The following GRM7 variants were observed in gnomAD, a reference collection of about 807,000 sequenced individuals.
GRM7 encodes the protein metabotropic glutamate receptor 7.
In GRM7, 35 loss-of-function variants were observed where a neutral mutation model predicts 84.5. The observed-to-expected ratio is 0.41, with a 90% CI of 0.32 to 0.55. The LOEUF (loss-of-function observed/expected upper bound fraction) is 0.55. GRM7 is among the 20% of genes least tolerant of loss of function. GRM7 has a pLI of 0.19. For missense variants in GRM7, 1,003 were observed against 1,194.6 expected, an observed-to-expected ratio of 0.84 and a Z score of 2.36; for synonymous variants, 487 against 455.1, an observed-to-expected ratio of 1.07 and a Z score of -0.89.
At chr3:7,675,489 A>G (rs897753494) in intron 8 of GRM7, among the ~76,000 whole-genome samples, 4 of 152,222 alleles carry the variant, frequency 2.6e-5, no homozygotes, top group African/African-American at 7.2e-5. Flanking sequence ...ACTAAATGTT[A>G]TATGATCTTA....
chr3:6,876,232 C>T (rs62237234), intron 1 of GRM7, among the ~76,000 whole-genome samples: 10,085 of 151,812 alleles, frequency 0.066, 472 homozygotes, highest in East Asian at 0.19. Context: ...CGCACCACTG[C>T]ACTCCAATCT....
At chr3:7,083,254 G>A (rs1237451715) in intron 1 of GRM7, among the ~76,000 whole-genome samples, 1 of 152,092 alleles carries the variant, frequency 6.6e-6, no homozygotes, top group Non-Finnish European at 1.5e-5. Context: ...ACAACATCGA[G>A]GCAAGATCCT....
At chr3:6,973,725 G>A (rs1304715764) in intron 1 of GRM7, among the ~76,000 whole-genome samples, 1 of 152,170 alleles carries the variant, frequency 6.6e-6, no homozygotes, top group Non-Finnish European at 1.5e-5. Context: ...GTATGAATGT[G>A]CCTAGAATAT....
chr3:7,087,317 G>A (rs1271877242), intron 1 of GRM7, among the ~76,000 whole-genome samples: 2 of 151,742 alleles, frequency 1.3e-5, no homozygotes, highest in African/African-American at 4.8e-5. Context: ...GTTTTTGGAT[G>A]CAACTAATGA....
At chr3:7,158,133 C>T (rs1694512945) in intron 2 of GRM7, among the ~76,000 whole-genome samples, 1 of 152,078 alleles carries the variant, frequency 6.6e-6, no homozygotes, top group Non-Finnish European at 1.5e-5. Context: ...CACACATCTT[C>T]ATTTTTTCTG....
intron 5 of GRM7, among the ~76,000 whole-genome samples, chr3:7,446,487 G>T (rs867253091): frequency 7.2e-6 from 1 of 138,374 alleles, no homozygotes; most frequent in Admixed American, 7.5e-5. Flanking sequence ...TTGAGACGGA[G>T]TCTCATTCTG....
chr3:7,552,174 T>G (rs1361339906), intron 7 of GRM7, among the ~76,000 whole-genome samples: 1 of 152,348 alleles, frequency 6.6e-6, no homozygotes, highest in Middle Eastern at 3.4e-3. Context: ...CAGTCAAATC[T>G]TAAAGCTCCA....
At chr3:7,044,621 A>G (rs1223591253) in intron 1 of GRM7, among the ~76,000 whole-genome samples, 1 of 152,294 alleles carries the variant, frequency 6.6e-6, no homozygotes, top group Non-Finnish European at 1.5e-5. Flanking sequence ...CATATTTTCA[A>G]TTTAAAAGAC....
intron 4 of GRM7, among the ~76,000 whole-genome samples, chr3:7,343,840 C>T (rs1375563739): frequency 6.6e-6 from 1 of 152,086 alleles, no homozygotes; most frequent in African/African-American, 2.4e-5. Context: ...CATGTGTCTA[C>T]AGTCATGCAG....
chr3:7,647,623 A>G (rs895213640), intron 8 of GRM7, among the ~76,000 whole-genome samples: 1 of 152,192 alleles, frequency 6.6e-6, no homozygotes, highest in Admixed American at 6.5e-5. Context: ...ACTCTGAATT[A>G]TAGAGGGGAC....
At chr3:6,877,241 C>T (rs146251533) in intron 1 of GRM7, among the ~76,000 whole-genome samples, 362 of 152,208 alleles carry the variant, frequency 2.4e-3, no homozygotes, top group Non-Finnish European at 3.5e-3. Flanking sequence ...GCCTGCTATA[C>T]GGAGGGGTTT....
chr3:6,914,168 A>G (rs1424728775), intron 1 of GRM7, among the ~76,000 whole-genome samples: 3 of 152,156 alleles, frequency 2.0e-5, no homozygotes, highest in Non-Finnish European at 4.4e-5. Flanking sequence ...AGAAAATGCT[A>G]TTCTTTCCAG....
intron 5 of GRM7, among the ~76,000 whole-genome samples, chr3:7,444,287 T>C (rs1228681900): frequency 2.0e-5 from 3 of 152,168 alleles, no homozygotes; most frequent in Non-Finnish European, 4.4e-5. Context: ...GAGACATTTC[T>C]TTAAGTCTGT....
At position 7,703,986 on chromosome 3, in the gene GRM7, C is replaced by T. The variant is rs750830752; in HGVS notation, c.2698+23691C>T. Among the ~76,000 whole-genome samples, 79 of 152,326 alleles carry T rather than the reference C, an allele frequency of 5.2e-4. No homozygotes were observed. The Middle Eastern group carries it at 0.01, about 20-fold the overall frequency. On this transcript the variant is annotated intron_variant, in intron 9 of 9. Transcript: ENST00000357716. ...GCAGCCAATTTCTAAACCCATCCAT[C>T]ATTTCTGCTGGGTTCCATTGACCAG...
At chr3:7,084,158 C>G (rs1698364546) in intron 1 of GRM7, among the ~76,000 whole-genome samples, 1 of 152,070 alleles carries the variant, frequency 6.6e-6, no homozygotes, top group Non-Finnish European at 1.5e-5. Context: ...CTCTGGAAAA[C>G]AGACTCCAAG....
chr3:7,191,634 G>A (rs941741631), intron 2 of GRM7, among the ~76,000 whole-genome samples: 72 of 150,812 alleles, frequency 4.8e-4, no homozygotes, highest in Admixed American at 4.3e-3. Flanking sequence ...AATGAAACAA[G>A]CCAGTCTCAA....
In GRM7 at chr3:7,736,236, A is replaced by T. The variant is rs115560393; in HGVS notation, c.2699-4121A>T. On this transcript the variant is annotated intron_variant, in intron 9 of 9. Transcript: ENST00000357716. ...GATTGTTTCTTATTTATTCCTTTGC[A>T]TAAGTTAAAAAAATTTAGATATCAA... 2.8e-3 allele frequency among the ~76,000 whole-genome samples: 425 copies of T among 152,198 alleles called. 1 individual carries two copies. Among genetic ancestry groups the T allele is most frequent in the Non-Finnish European group, 5.0e-3 (340 of 67,966 alleles).
At chr3:7,160,065 G>A (rs984286480) in intron 2 of GRM7, among the ~76,000 whole-genome samples, 3 of 152,110 alleles carry the variant, frequency 2.0e-5, no homozygotes, top group Non-Finnish European at 4.4e-5. Flanking sequence ...AAGCATTAAA[G>A]GCACACAAAC....
At chr3:7,038,849 C>G (rs1427715484) in intron 1 of GRM7, among the ~76,000 whole-genome samples, 1 of 152,138 alleles carries the variant, frequency 6.6e-6, no homozygotes, top group Non-Finnish European at 1.5e-5. Context: ...AATAAAGCTT[C>G]CACCCCTTTT....
Sources: gnomAD v4.1 joint callset for allele counts (sites outside exome capture counted in the v4.1 genomes callset) on GRCh38, gnomAD v4.1.1 for gene constraint, MANE v1.5 for transcripts, NCBI Gene and HGNC (gene_info 2026-07-23, HGNC 2026-07-21) for gene names.